Variants in ARID1B observed in about 807,000 individuals in gnomAD.
ARID1B encodes AT-rich interactive domain-containing protein 1B.
In ARID1B, 30 loss-of-function variants were observed where a neutral mutation model predicts 212.3. That is an observed-to-expected ratio of 0.14 (90% CI 0.11 to 0.19). The LOEUF (loss-of-function observed/expected upper bound fraction) is 0.19, where lower values mean the gene tolerates loss of function less well. ARID1B is among the 10% of genes least tolerant of loss of function. The pLI is 1.00. For missense variants in ARID1B, 2,891 were observed against 3,204.0 expected (o/e 0.90, Z 2.36); for synonymous variants, 1,402 against 1,301.7 (o/e 1.08, Z -1.66).
intron 4 of ARID1B, chr6:157,030,478 A>C (rs977697206): frequency 1.3e-5 from 2 of 152,228 alleles, no homozygotes; most frequent in African/African-American, 4.8e-5. Context: ...GGTTTCGCAC[A>C]CTTCAAGGTC....
chr6:157,039,259 AG>A (rs1303911382), intron 4 of ARID1B, among the ~76,000 whole-genome samples: 1 of 151,132 alleles, frequency 6.6e-6, no homozygotes, highest in Non-Finnish European at 1.5e-5. Context: ...AGATGCTTTT[AG>A]CTTTTGCTGA....
At chr6:157,056,327 T>C (rs7753365) in intron 4 of ARID1B, among the ~76,000 whole-genome samples, 7,762 of 152,308 alleles carry the variant, frequency 0.051, 347 homozygotes, top group African/African-American at 0.12. Context: ...TTTTCTAAAA[T>C]GCAGCTTTGG....
At chr6:157,182,795 T>C (rs374058793) in intron 12 of ARID1B, among the ~76,000 whole-genome samples, 1 of 152,066 alleles carries the variant, frequency 6.6e-6, no homozygotes, top group African/African-American at 2.4e-5. Flanking sequence ...GAGACACGCC[T>C]CTCTCTGACC....
chr6:157,003,152 C>G (rs1229886931), intron 4 of ARID1B, among the ~76,000 whole-genome samples: 1 of 152,170 alleles, frequency 6.6e-6, no homozygotes, highest in East Asian at 1.9e-4. Context: ...AAGAGGAAGC[C>G]ATTGGAAAGA....
chr6:156,836,422 G>A, intron 2 of ARID1B, among the ~76,000 whole-genome samples: 1 of 152,114 alleles, frequency 6.6e-6, no homozygotes, highest in East Asian at 1.9e-4. Context: ...AGTGATGCTG[G>A]TTCTTGGCCC....
At chr6:157,145,156 G>A (rs749374154) in intron 7 of ARID1B, among the ~76,000 whole-genome samples, 20 of 152,264 alleles carry the variant, frequency 1.3e-4, no homozygotes, top group African/African-American at 4.6e-4. Flanking sequence ...GGTGGTGTTC[G>A]GGACTAAGGA....
intron 4 of ARID1B, among the ~76,000 whole-genome samples, chr6:156,972,300 T>C (rs1193446866): frequency 6.6e-6 from 1 of 152,094 alleles, no homozygotes; most frequent in East Asian, 1.9e-4. Flanking sequence ...CTTGTGACCT[T>C]ATTTAGCTGT....
At chr6:157,020,681 T>G (rs1167816367) in intron 4 of ARID1B, among the ~76,000 whole-genome samples, 1 of 152,216 alleles carries the variant, frequency 6.6e-6, no homozygotes, top group Non-Finnish European at 1.5e-5. Flanking sequence ...TCAAACTATA[T>G]GTAATTTCCT....
chr6:156,941,385 T>C (rs1582995945), intron 4 of ARID1B: 1 of 152,334 alleles, frequency 6.6e-6, no homozygotes, highest in Non-Finnish European at 1.5e-5. Flanking sequence ...TGGGGAAGTT[T>C]TAAAGGGAAC....
chr6:157,134,212 G>A (rs1388257745), intron 7 of ARID1B, among the ~76,000 whole-genome samples: 4 of 152,162 alleles, frequency 2.6e-5, no homozygotes, highest in Admixed American at 2.6e-4. Flanking sequence ...AGAAGGTGAG[G>A]CCCAGTCACC....
chr6:157,115,542 T>C (rs755155969), intron 6 of ARID1B, among the ~76,000 whole-genome samples: 2 of 152,156 alleles, frequency 1.3e-5, no homozygotes, highest in Non-Finnish European at 2.9e-5. Context: ...TTCTCCTGCC[T>C]CAGCCTCCCG....
chr6:157,084,347 G>A (rs1392517091), intron 4 of ARID1B, among the ~76,000 whole-genome samples: 5 of 152,146 alleles, frequency 3.3e-5, no homozygotes, highest in African/African-American at 7.2e-5. Context: ...GCAGAGTGCT[G>A]TCTGTGTTGT....
In ARID1B at chr6:157,201,355, C is replaced by T. The variant is rs757252042; in HGVS notation, c.5130C>T (p.Val1710=). 1 of 1,613,098 alleles carries T rather than the reference C, an allele frequency of 6.2e-7. No homozygotes were observed. Among genetic ancestry groups the T allele is most frequent in the Non-Finnish European group, 8.5e-7 (1 of 1,179,370 alleles). Residue 1710 remains valine (V), a synonymous_variant, in exon 18 of 20, where the codon GTC becomes GTT. Transcript: ENST00000636930. The surrounding 1 kb of genome is among the most constrained non-coding windows in gnomAD (Gnocchi z 5.2). ...AGATGCAGAAGGTCATGCCCACGGT[C>T]CCCACATCCCAGGTCACCGGGCCAC... ...SMKMQKVMPT[V]PTSQVTGPPP... is the part of the protein sequence containing the mutation.
intron 4 of ARID1B, among the ~76,000 whole-genome samples, chr6:156,981,682 C>T (rs1375585800): frequency 6.6e-6 from 1 of 152,136 alleles, no homozygotes; most frequent in Non-Finnish European, 1.5e-5. Flanking sequence ...GTTAAGACTG[C>T]ATTACTGTTT....
intron 5 of ARID1B, among the ~76,000 whole-genome samples, chr6:157,092,527 G>A (rs760048901): frequency 2.6e-5 from 4 of 152,218 alleles, no homozygotes; most frequent in Non-Finnish European, 5.9e-5. Flanking sequence ...CCCAAGTCAG[G>A]TATTCTGATG....
chr6:157,032,873 A>G (rs904401539), intron 4 of ARID1B, among the ~76,000 whole-genome samples: 2 of 152,038 alleles, frequency 1.3e-5, no homozygotes, highest in Non-Finnish European at 2.9e-5. Context: ...CACCCTTTCC[A>G]TTCTTTTTAC....
chr6:157,203,986 A>G lies in ARID1B; in HGVS notation c.5384A>G (p.Asn1795Ser), dbSNP rs140177120. ...LYDDSTVATF[N>S]LSQLSGFLEL... ...GATGACAGCACTGTTGCTACTTTCAATCTCTCCCAGGTAAGCCAGCATAGT... is the reference window on the plus strand; with the variant it reads ...GATGACAGCACTGTTGCTACTTTCAGTCTCTCCCAGGTAAGCCAGCATAGT... Residue 1795 changes from asparagine (N) to serine (S), a missense_variant, in exon 19 of 20, where the codon AAT (asparagine) becomes AGT (serine). Coordinates refer to ENST00000636930, the MANE Select transcript of ARID1B (RefSeq NM_001374828.1). This position sits in a 1 kb window ranked among gnomAD's most constrained non-coding sequence, Gnocchi z 4.4. 9.4e-4 allele frequency: 1,521 copies of G among 1,614,060 alleles called. 2 individuals carry two copies. Among genetic ancestry groups the G allele is most frequent in the Admixed American group, 1.0e-3 (63 of 60,024 alleles).
At chr6:156,943,158 T>C (rs1473509929) in intron 4 of ARID1B, 1 of 152,202 alleles carries the variant, frequency 6.6e-6, no homozygotes, top group Non-Finnish European at 1.5e-5. Context: ...TTCTTTTGCC[T>C]TCTCTAAATT....
In ARID1B at chr6:157,167,097, C is replaced by T. The variant is rs2128290576; in HGVS notation, c.3147C>T (p.Tyr1049=). ...QSGLMASSSP[Y]SQPMNNSSSL... is the part of the protein sequence containing the mutation. ...GACTTATGGCTTCCAGCTCTCCCTACAGCCAGCCCATGAACAACAGCTCTA... is the reference window on the plus strand; with the variant it reads ...GACTTATGGCTTCCAGCTCTCCCTATAGCCAGCCCATGAACAACAGCTCTA... Residue 1049 remains tyrosine, a synonymous_variant, in exon 9 of 20, where the codon TAC becomes TAT. Coordinates refer to ENST00000636930, the MANE Select transcript of ARID1B (RefSeq NM_001374828.1). 6.2e-7 allele frequency: 1 copy of T among 1,612,710 alleles called. No homozygotes were observed.
Sources: gnomAD v4.1 joint callset for allele counts (sites outside exome capture counted in the v4.1 genomes callset) on GRCh38, gnomAD v4.1.1 for gene constraint, Gnocchi (gnomAD v3.1) non-coding constraint, MANE v1.5 for transcripts, NCBI Gene and HGNC (gene_info 2026-07-23, HGNC 2026-07-21) for gene names.